SGCD: variants seen among roughly 807,000 people sequenced by gnomAD.
SGCD encodes delta-sarcoglycan.
Under a neutral mutation model 36.6 loss-of-function variants are expected in SGCD, and 18 were observed. The ratio of observed to expected loss-of-function variants is 0.49; its 90% CI spans 0.34 to 0.73. The LOEUF is 0.73. SGCD is among the 30% of genes least tolerant of loss of function. The pLI is 0.01. For missense variants in SGCD, 387 were observed against 346.7 expected (o/e 1.12, Z -0.92); for synonymous variants, 133 against 130.6 (o/e 1.02, Z -0.12).
upstream of SGCD, among the ~76,000 whole-genome samples, chr5:155,866,442 G>A (rs1053480183): frequency 6.6e-6 from 1 of 152,134 alleles, no homozygotes; most frequent in African/African-American, 2.4e-5. Context: ...TGTTGTTCCA[G>A]ACTCCCTGAT....
At chr5:156,213,685 A>G (rs1764504699) in intron 3 of SGCD, among the ~76,000 whole-genome samples, 1 of 152,088 alleles carries the variant, frequency 6.6e-6, no homozygotes, top group South Asian at 2.1e-4. Context: ...AATACAGGAC[A>G]GTATCCCTAA....
At chr5:155,861,653 G>A in the SGCD span, among the ~76,000 whole-genome samples, 3 of 152,282 alleles carry the variant, frequency 2.0e-5, no homozygotes, top group South Asian at 6.2e-4. Context: ...AGAAGGTGGA[G>A]GTTGCAGTGA....
chr5:156,296,252 A>G (rs1389838379), intron 3 of SGCD, among the ~76,000 whole-genome samples: 1 of 152,172 alleles, frequency 6.6e-6, no homozygotes, highest in African/African-American at 2.4e-5. Context: ...AGGTGGATGT[A>G]TAAGGCAGAT....
At chr5:156,016,630 T>A (rs1401776007) in intron 1 of SGCD, among the ~76,000 whole-genome samples, 1 of 152,152 alleles carries the variant, frequency 6.6e-6, no homozygotes, top group African/African-American at 2.4e-5. Flanking sequence ...CTCTTGTTTC[T>A]TACACAAAGA....
chr5:156,090,727 A>G (rs912155170), intron 1 of SGCD, among the ~76,000 whole-genome samples: 2 of 152,160 alleles, frequency 1.3e-5, no homozygotes, highest in Admixed American at 1.3e-4. Flanking sequence ...TTCATCCCTT[A>G]TCTCAACCGC....
At chr5:156,401,870 A>G (rs1772169694) in intron 3 of SGCD, among the ~76,000 whole-genome samples, 2 of 152,146 alleles carry the variant, frequency 1.3e-5, no homozygotes, top group South Asian at 4.1e-4. Flanking sequence ...CATCATCATC[A>G]TCCATCTCCA....
chr5:155,891,243 A>G (rs79376991), intron 1 of SGCD, among the ~76,000 whole-genome samples: 2 of 152,160 alleles, frequency 1.3e-5, no homozygotes, highest in African/African-American at 4.8e-5. Flanking sequence ...TATTTCTCAT[A>G]TATGTGCCTT....
chr5:156,122,983 T>C (rs1411688232), intron 2 of SGCD, among the ~76,000 whole-genome samples: 1 of 151,186 alleles, frequency 6.6e-6, no homozygotes, highest in African/African-American at 2.4e-5. Flanking sequence ...CAAGGTTTAC[T>C]TGGAGGGTTT....
intron 1 of SGCD, among the ~76,000 whole-genome samples, chr5:156,026,395 A>G (rs1039868382): frequency 6.6e-6 from 1 of 152,232 alleles, no homozygotes; most frequent in African/African-American, 2.4e-5. Context: ...ATCCTATAAC[A>G]AAGAGCCTGC....
intron 2 of SGCD, among the ~76,000 whole-genome samples, chr5:156,338,722 G>C (rs1768489153): frequency 6.6e-6 from 1 of 152,126 alleles, no homozygotes; most frequent in Non-Finnish European, 1.5e-5. Context: ...TTTGCATAAA[G>C]TTAGCAGGCT....
At chr5:156,737,440 T>C (rs1756431905) in intron 7 of SGCD, among the ~76,000 whole-genome samples, 1 of 152,184 alleles carries the variant, frequency 6.6e-6, no homozygotes, top group Non-Finnish European at 1.5e-5. Context: ...TACTGTATAG[T>C]AAGTATGCAA....
chr5:156,514,372 A>C (rs1408888067), intron 4 of SGCD, among the ~76,000 whole-genome samples: 1 of 152,232 alleles, frequency 6.6e-6, no homozygotes, highest in Non-Finnish European at 1.5e-5. Flanking sequence ...CGTATCATGA[A>C]TTTATCTTCA....
chr5:155,830,861 TA>T, the SGCD span, among the ~76,000 whole-genome samples: 1 of 152,238 alleles, frequency 6.6e-6, no homozygotes, highest in Non-Finnish European at 1.5e-5. Context: ...CTTTGTTTTT[TA>T]AACACAGATG....
chr5:156,282,492 G>T (rs1766479820), intron 3 of SGCD, among the ~76,000 whole-genome samples: 1 of 152,144 alleles, frequency 6.6e-6, no homozygotes, highest in Non-Finnish European at 1.5e-5. Context: ...ACCTAATTAT[G>T]GGTGACCTGC....
chr5:156,370,673 A>C (rs1770333590), intron 3 of SGCD, among the ~76,000 whole-genome samples: 1 of 152,168 alleles, frequency 6.6e-6, no homozygotes, highest in South Asian at 2.1e-4. Context: ...GTCAGTATGA[A>C]ATTTACAAGA....
At chr5:156,500,964 G>A (rs184747173) in intron 3 of SGCD, among the ~76,000 whole-genome samples, 108 of 152,284 alleles carry the variant, frequency 7.1e-4, no homozygotes, top group African/African-American at 2.5e-3. Flanking sequence ...GCCTCTGGGA[G>A]CACTGATCAC....
At chr5:156,402,902 C>T (rs1772229033) in intron 3 of SGCD, among the ~76,000 whole-genome samples, 2 of 152,280 alleles carry the variant, frequency 1.3e-5, no homozygotes, top group South Asian at 4.2e-4. Context: ...TATCCTGCCT[C>T]AGTATTGCTG....
chr5:155,744,162 T>C, the SGCD span, among the ~76,000 whole-genome samples: 366 of 152,260 alleles, frequency 2.4e-3, 9 homozygotes, highest in East Asian at 0.049. Context: ...TTACTGTGTA[T>C]GAACATTTGA....
rs115743887 is a variant in SGCD, at chr5:156,584,781, T to C, written c.295-4450T>C. On this transcript the variant is annotated intron_variant, in intron 4 of 8. Transcript: ENST00000337851. ...GGCCTCCTCCCACCACACTGCTTTT[T>C]ATATGTTTAGATTATAACATCACTC... is the stretch of plus-strand genomic sequence containing the variant. 1.9e-3 allele frequency among the ~76,000 whole-genome samples: 293 copies of C among 152,346 alleles called. 1 individual carries two copies. Among genetic ancestry groups the C allele is most frequent in the Non-Finnish European group, 3.7e-3 (253 of 68,034 alleles).
Sources: allele counts gnomAD v4.1 joint callset (sites outside exome capture counted in the v4.1 genomes callset), GRCh38; gene constraint gnomAD v4.1.1; transcripts MANE v1.5; gene names NCBI Gene and HGNC (gene_info 2026-07-23, HGNC 2026-07-21).